Variants in INTS10 observed in about 807,000 individuals in gnomAD.
The protein encoded by INTS10 is integrator complex subunit 10, also known as chromosome 8 open reading frame 35.
In INTS10, 44 loss-of-function variants were observed where a neutral mutation model predicts 94.4. The observed-to-expected ratio is 0.47, with a 90% CI of 0.37 to 0.60. The LOEUF (loss-of-function observed/expected upper bound fraction) is 0.60, where lower values mean the gene tolerates loss of function less well. Among genes scored for constraint, INTS10 ranks in the 20% least tolerant of loss-of-function variants. The probability of loss-of-function intolerance (pLI) is 0.00; values close to 1 mark genes in which losing one functional copy is unlikely to be tolerated. For missense variants in INTS10, 797 were observed against 868.7 expected, an observed-to-expected ratio of 0.92 and a Z score of 1.04; for synonymous variants, 341 against 320.7, an observed-to-expected ratio of 1.06 and a Z score of -0.68.
chr8:19,840,522 T>C (rs1310801649), intron 13 of INTS10, among the ~76,000 whole-genome samples: 6 of 152,224 alleles, frequency 3.9e-5, no homozygotes, highest in Non-Finnish European at 5.9e-5. Context: ...AAGTGACTTA[T>C]ACTACATAAT....
chr8:19,842,036 CAT>C (rs2068173848), intron 13 of INTS10: 1 of 231,658 alleles, frequency 4.3e-6, no homozygotes, highest in Non-Finnish European at 8.7e-6. Flanking sequence ...AGATAACAGA[CAT>C]AAAGAACACA....
At chr8:19,823,546 T>C in intron 6 of INTS10, 105 bp downstream of exon 6, 1 of 815,192 alleles carries the variant, frequency 1.2e-6, no homozygotes, top group Non-Finnish European at 2.0e-6. Flanking sequence ...TACTTACCAG[T>C]TTGGGAGTGT....
chr8:19,834,215 C>T (rs1217619179), intron 12 of INTS10, among the ~76,000 whole-genome samples: 1 of 152,092 alleles, frequency 6.6e-6, no homozygotes, highest in Admixed American at 6.5e-5. Flanking sequence ...ACTGTATAAA[C>T]TCAAGGCCAC....
chr8:19,824,696 T>G (rs1475937804), intron 7 of INTS10, 107 bp from the exon 8 acceptor site: 2 of 692,008 alleles, frequency 2.9e-6, no homozygotes, highest in African/African-American at 1.8e-5. Flanking sequence ...TTTACATGCC[T>G]AGGGCAACAT....
intron 1 of INTS10, 110 bp from the exon 2 acceptor site, chr8:19,818,165 C>T: frequency 9.7e-7 from 1 of 1,032,906 alleles, no homozygotes; most frequent in South Asian, 1.3e-5. Context: ...CCAGGCGGAG[C>T]TTCACTCTCA....
intron 9 of INTS10, among the ~76,000 whole-genome samples, chr8:19,827,150 G>A (rs755553910): frequency 6.6e-6 from 1 of 152,174 alleles, no homozygotes. Context: ...GATGCAAGAA[G>A]CCCGAGAATG....
In INTS10 at chr8:19,828,217, A is replaced by T. The variant is rs542930589; in HGVS notation, c.1140+1658A>T. 2.7e-3 allele frequency among the ~76,000 whole-genome samples: 407 copies of T among 152,324 alleles called. 1 individual carries two copies. The highest frequency in any genetic ancestry group is 9.4e-3 in the African/African-American group (392 of 41,578). On this transcript the variant is annotated intron_variant, in intron 9 of 16. Transcript: ENST00000397977. Reference sequence around the variant, plus strand: ...CAGAGGGAGACCCCGTCTATAAAAAATAAAAAAATAAAATAGAAACCTAGC... The same window carrying T: ...CAGAGGGAGACCCCGTCTATAAAAATTAAAAAAATAAAATAGAAACCTAGC...
Position 19,849,280 on chromosome 8 carries a change from G to A in INTS10, c.1977-2369G>A. The A allele has an allele frequency of 9.2e-7, 1 of 1,083,676 alleles. No homozygotes were observed. The highest frequency in any genetic ancestry group is 1.3e-5 in the South Asian group (1 of 76,014). 67.1% of individuals were successfully genotyped at this position (1,083,676 alleles called of 1,614,324 possible). Reference sequence around the variant, plus strand: ...AACGCCCGCTCATAGTGTGCTGTTTGTCAACATGTTCGCTGCCCATGGTTC... The same window carrying A: ...AACGCCCGCTCATAGTGTGCTGTTTATCAACATGTTCGCTGCCCATGGTTC... On this transcript the variant is annotated intron_variant, in intron 16 of 16. Transcript: ENST00000397977. This position sits in a 1 kb window ranked among gnomAD's most constrained non-coding sequence, Gnocchi z 4.6.
At chr8:19,828,785 G>T (rs544211032) in intron 9 of INTS10, among the ~76,000 whole-genome samples, 25 of 150,070 alleles carry the variant, frequency 1.7e-4, no homozygotes, top group Non-Finnish European at 3.2e-4. Context: ...TTGAATTCCT[G>T]GGTTCATGCA....
chr8:19,817,752 G>A, intron 1 of INTS10, 86 bp downstream of exon 1: 1 of 1,494,758 alleles, frequency 6.7e-7, no homozygotes, highest in Non-Finnish European at 9.0e-7. Context: ...AGCTGCGCCT[G>A]CCTGGGGGCT....
chr8:19,818,355 C>G lies in INTS10; in HGVS notation c.197+13C>G. On this transcript the variant is annotated intron_variant, in intron 2 of 16. Coordinates refer to ENST00000397977, the MANE Select transcript of INTS10 (RefSeq NM_018142.4). ...TGCTGTACGACATGTGAGTGGGACGCTTGACATCACTTTTACTGCACTGAA... is the reference window on the plus strand; with the variant it reads ...TGCTGTACGACATGTGAGTGGGACGGTTGACATCACTTTTACTGCACTGAA... 2 of 1,613,254 alleles carry G rather than the reference C, an allele frequency of 1.2e-6. No homozygotes were observed. The highest frequency in any genetic ancestry group is 8.5e-7 in the Non-Finnish European group (1 of 1,179,192).
At chr8:19,818,047 T>G in intron 1 of INTS10, 1 of 599,982 alleles carries the variant, frequency 1.7e-6, no homozygotes, top group East Asian at 2.8e-5. Flanking sequence ...GGCCTGCGAC[T>G]TTGGAAATAT....
Position 19,851,773 on chromosome 8 carries a change from G to A in INTS10, c.2101G>A (p.Glu701Lys). The A allele has an allele frequency of 6.2e-7, 1 of 1,614,182 alleles. No individual in the cohort carries two copies. Among genetic ancestry groups the A allele is most frequent in the Non-Finnish European group, 8.5e-7 (1 of 1,180,016 alleles). Reference sequence around the variant, plus strand: ...GGTTCTGCACAGGTTCTGCATTAATGAGAAGATCTTGCTCCTTCAGACTCT... The same window carrying A: ...GGTTCTGCACAGGTTCTGCATTAATAAGAAGATCTTGCTCCTTCAGACTCT... ...MVVLHRFCINEKILLLQTLT is the reference protein window; with the variant it reads ...MVVLHRFCINKKILLLQTLT Residue 701 changes from glutamate (E) to lysine (K), a missense_variant, in exon 17 of 17, where the codon GAG becomes AAG. Physicochemically the swap from Glu to Lys is moderately conservative, Grantham distance 56. Transcript: ENST00000397977. The surrounding 1 kb of genome is among the most constrained non-coding windows in gnomAD (Gnocchi z 5.0).
At chr8:19,817,798 C>T (rs2066045040) in intron 1 of INTS10, 132 bp downstream of exon 1, 4 of 1,153,262 alleles carry the variant, frequency 3.5e-6, no homozygotes, top group Middle Eastern at 5.9e-4. Flanking sequence ...TTCTCCCCTC[C>T]CACCCCCTCC....
At position 19,817,546 on chromosome 8, in the gene INTS10, C is replaced by T; in HGVS notation, c.9C>T (p.Ala3=). MS[A]QGDCEFLVQR... is the part of the protein sequence containing the mutation. ...TGGAGAGCGCTCGGGTCATGTCTGC[C>T]CAGGGGGACTGCGAGTTCCTGGTGC... Residue 3 remains alanine (A), a synonymous_variant, in exon 1 of 17, where the codon GCC becomes GCT. Coordinates refer to ENST00000397977, the MANE Select transcript of INTS10 (RefSeq NM_018142.4). 1.2e-6 allele frequency: 2 copies of T among 1,607,956 alleles called. No individual in the cohort carries two copies. Among genetic ancestry groups the T allele is most frequent in the African/African-American group, 1.3e-5 (1 of 74,928 alleles).
At chr8:19,826,645 A>C in intron 9 of INTS10, 86 bp downstream of exon 9, 1 of 1,243,558 alleles carries the variant, frequency 8.0e-7, no homozygotes, top group Admixed American at 2.5e-5. Flanking sequence ...TTTGGAGCTA[A>C]ATCGATAAAG....
At chr8:19,826,374 G>A (rs553974973) in intron 8 of INTS10, 52 bp from the exon 9 acceptor site, 26 of 1,554,848 alleles carry the variant, frequency 1.7e-5, no homozygotes, top group East Asian at 1.2e-4. Flanking sequence ...GAGCCACCGC[G>A]CCTGGCCTCC....
chr8:19,823,181 G>C (rs952763486), intron 5 of INTS10, 120 bp from the exon 6 acceptor site: 1 of 735,890 alleles, frequency 1.4e-6, no homozygotes, highest in Non-Finnish European at 2.3e-6. Flanking sequence ...AGTCATAAGG[G>C]ATTTTTCCCC....
intron 15 of INTS10, chr8:19,845,402 C>T: frequency 3.5e-6 from 1 of 288,052 alleles, no homozygotes; most frequent in Non-Finnish European, 6.6e-6. Flanking sequence ...ACATGTTGTC[C>T]TCATGCTCTT....
Sources: gnomAD v4.1 joint callset for allele counts (sites outside exome capture counted in the v4.1 genomes callset) on GRCh38, gnomAD v4.1.1 for gene constraint, Gnocchi (gnomAD v3.1) non-coding constraint, MANE v1.5 for transcripts, NCBI Gene and HGNC (gene_info 2026-07-23, HGNC 2026-07-21) for gene names.